The following RAB20 variants were observed in gnomAD, a reference collection of about 807,000 sequenced individuals.
The protein encoded by RAB20 is ras-related protein Rab-20.
In RAB20, 2 loss-of-function variants were observed where a neutral mutation model predicts 3.7. That is an observed-to-expected ratio of 0.54 (90% confidence interval 0.22 to 1.69). RAB20 has a LOEUF of 1.69. RAB20 is among the 40% of genes most tolerant of loss of function. The pLI is 0.19. For missense variants in RAB20, 276 were observed against 311.9 expected (o/e 0.88, Z 0.87); for synonymous variants, 126 against 130.8 (o/e 0.96, Z 0.25).
intron 1 of RAB20, among the ~76,000 whole-genome samples, chr13:110,525,757 C>T (rs1479064217): frequency 6.6e-6 from 1 of 152,212 alleles, no homozygotes; most frequent in Non-Finnish European, 1.5e-5. Flanking sequence ...TGCTTTTCAT[C>T]GTTGGACACA....
At position 110,561,231 on chromosome 13, in the gene RAB20, G is replaced by A. The variant is rs948114326; in HGVS notation, c.172+117C>T. ...ACGAGTGGGAAACCCCGAGAAGGAG[G>A]CATTTGCTGTCCGAGGCCGGGACCC... is the stretch of plus-strand genomic sequence containing the variant. On this transcript the variant is annotated intron_variant, in intron 1 of 1. Transcript: ENST00000267328. 36 of 1,275,402 alleles carry A rather than the reference G, an allele frequency of 2.8e-5. No individual in the cohort carries two copies. The African/African-American group carries it at 5.2e-4, about 19-fold the overall frequency. 79.0% of individuals were successfully genotyped at this position (1,275,402 alleles called of 1,614,324 possible). A position where few individuals can be genotyped will look rare whatever the true frequency, so the allele number is the denominator to read the frequency against.
chr13:110,546,987 G>A (rs961874103), intron 1 of RAB20, among the ~76,000 whole-genome samples: 3 of 152,178 alleles, frequency 2.0e-5, no homozygotes, highest in Non-Finnish European at 2.9e-5. Flanking sequence ...GGATCCTCCC[G>A]TCTGAGTCTC....
intron 1 of RAB20, among the ~76,000 whole-genome samples, chr13:110,531,059 T>C (rs1003666703): frequency 1.1e-4 from 17 of 152,228 alleles, no homozygotes; most frequent in African/African-American, 3.9e-4. Flanking sequence ...GGAAGAAGCA[T>C]GGCCAGCACA....
rs147208996 is a variant in RAB20 at position 110,550,092 on chromosome 13, G to A, written c.172+11256C>T. On this transcript the variant is annotated intron_variant, in intron 1 of 1. Transcript: ENST00000267328. The stretch of plus-strand genomic sequence containing the variant: ...ACAACCAATGAAGTCTCCATAAGAA[G>A]CCCAGAAAACAGGGTTCAGGGAGCT... 1.8e-4 allele frequency among the ~76,000 whole-genome samples: 27 copies of A among 152,152 alleles called. No homozygotes were observed. The East Asian group carries it at 5.2e-3, about 29-fold the overall frequency.
At position 110,561,610 on chromosome 13, in the gene RAB20, G is replaced by C. The variant is rs547404418; in HGVS notation, c.-91C>G. The C allele has an allele frequency of 4.7e-6, 7 of 1,482,754 alleles. No homozygotes were observed. The highest frequency in any genetic ancestry group is 2.9e-5 in the African/African-American group (2 of 68,000). 91.8% of individuals were successfully genotyped at this position (1,482,754 alleles called of 1,614,324 possible). Reference sequence around the variant, plus strand: ...GGCGCAGCTGGAGGAGCGGACCCCGGACTCGCCGGGACCCGGATTCTCGTG... The same window carrying C: ...GGCGCAGCTGGAGGAGCGGACCCCGCACTCGCCGGGACCCGGATTCTCGTG... On this transcript the variant is annotated 5_prime_UTR_variant, in exon 1 of 2. Coordinates refer to ENST00000267328, the MANE Select transcript of RAB20 (RefSeq NM_017817.3).
intron 1 of RAB20, among the ~76,000 whole-genome samples, chr13:110,525,159 G>A (rs1018469317): frequency 6.6e-5 from 10 of 152,186 alleles, no homozygotes; most frequent in African/African-American, 1.9e-4. Context: ...TCACGAGGTC[G>A]ATGTGGGCAC....
At chr13:110,525,714 C>T (rs1277555734) in intron 1 of RAB20, among the ~76,000 whole-genome samples, 2 of 152,250 alleles carry the variant, frequency 1.3e-5, no homozygotes, top group Non-Finnish European at 2.9e-5. Flanking sequence ...CCGAGCCGAG[C>T]ACGCCTGCTG....
At chr13:110,524,849 G>T (rs552059740) in intron 1 of RAB20, among the ~76,000 whole-genome samples, 1 of 152,166 alleles carries the variant, frequency 6.6e-6, no homozygotes, top group Non-Finnish European at 1.5e-5. Context: ...CGCTGGAATC[G>T]GAATCCCTGA....
chr13:110,538,285 G>GA lies in RAB20; in HGVS notation c.173-14089dup, dbSNP rs1335587001. ...AGAAAGAAAGAAAAGAAAAGAAAAA[G>GA]AAAAAAGACTATTGGTATTTCCTAA... is the stretch of plus-strand genomic sequence containing the variant. On this transcript the variant is annotated intron_variant, in intron 1 of 1. Transcript: ENST00000267328. 3.5e-5 allele frequency among the ~76,000 whole-genome samples: 5 copies of GA among 143,918 alleles called. No individual in the cohort carries two copies. In the East Asian group the frequency reaches 1.0e-3, roughly 29 times the overall value. 94.4% of individuals were successfully genotyped at this position (143,918 alleles called of 152,430 possible).
intron 1 of RAB20, among the ~76,000 whole-genome samples, chr13:110,531,199 A>G (rs965777047): frequency 1.2e-4 from 19 of 152,152 alleles, no homozygotes; most frequent in African/African-American, 4.6e-4. Context: ...CCTGAGAAGC[A>G]CGCTGGCAAC....
intron 1 of RAB20, among the ~76,000 whole-genome samples, chr13:110,533,349 GGTTT>G (rs1002779176): frequency 4.6e-5 from 7 of 152,188 alleles, no homozygotes; most frequent in African/African-American, 1.4e-4. Flanking sequence ...ATTCCCTCTA[GGTTT>G]GTTTTTTTAA....
At position 110,523,098 on chromosome 13, in the gene RAB20, A is replaced by C; in HGVS notation, c.*567T>G. On this transcript the variant is annotated 3_prime_UTR_variant, in exon 2 of 2. Transcript: ENST00000267328. The stretch of plus-strand genomic sequence containing the variant: ...TTCCAAAAATCCTCTTTAATAATAC[A>C]TGTAGCCAACATTGCTGCAATCAGT... 1 of 390,942 alleles carries C rather than the reference A, an allele frequency of 2.6e-6. No individual in the cohort carries two copies. The highest frequency in any genetic ancestry group is 4.5e-6 in the Non-Finnish European group (1 of 221,902). 24.2% of individuals were successfully genotyped at this position (390,942 alleles called of 1,614,324 possible). A position where few individuals can be genotyped will look rare whatever the true frequency, so the allele number is the denominator to read the frequency against.
intron 1 of RAB20, among the ~76,000 whole-genome samples, chr13:110,526,941 G>C (rs1341929331): frequency 1.3e-5 from 2 of 152,186 alleles, no homozygotes; most frequent in Non-Finnish European, 2.9e-5. Context: ...ATAGTGTTCT[G>C]AGAAGGGGTC....
Position 110,524,812 on chromosome 13 carries a change from AGGACACAGT to A in RAB20, c.173-624_173-616del, listed in dbSNP as rs143286604. Among the ~76,000 whole-genome samples the A allele has an allele frequency of 1.2e-3, 177 of 152,296 alleles. 3 individuals are homozygous for A. The East Asian group carries it at 0.027, about 23-fold the overall frequency. On this transcript the variant is annotated intron_variant, in intron 1 of 1. Transcript: ENST00000267328. ...ACCCTGCGGTGCTCACGATATTTTT[AGGACACAGT>A]GGACATCTCCCCTCCCACGCTGGAA...
At chr13:110,547,015 C>T (rs556562086) in intron 1 of RAB20, among the ~76,000 whole-genome samples, 1 of 152,322 alleles carries the variant, frequency 6.6e-6, no homozygotes, top group South Asian at 2.1e-4. Flanking sequence ...GCTGGGATTA[C>T]AGGCGTGAGT....
chr13:110,536,781 G>C (rs1346106902), intron 1 of RAB20, among the ~76,000 whole-genome samples: 1 of 83,880 alleles, frequency 1.2e-5, no homozygotes, highest in Non-Finnish European at 2.7e-5. Context: ...TTTTTAATGG[G>C]AATTTTTTTT....
chr13:110,541,033 TCTG>T (rs925261346), intron 1 of RAB20, among the ~76,000 whole-genome samples: 100 of 152,296 alleles, frequency 6.6e-4, no homozygotes, highest in African/African-American at 2.4e-3. Context: ...GGTCCTGGGT[TCTG>T]CTGCTGCCAG....
chr13:110,554,101 C>T (rs1885000469), intron 1 of RAB20, among the ~76,000 whole-genome samples: 1 of 152,072 alleles, frequency 6.6e-6, no homozygotes, highest in South Asian at 2.1e-4. Flanking sequence ...GACAACAGAC[C>T]AAGACCTTGT....
intron 1 of RAB20, among the ~76,000 whole-genome samples, chr13:110,551,324 T>C (rs753466431): frequency 2.0e-5 from 3 of 152,174 alleles, no homozygotes; most frequent in African/African-American, 4.8e-5. Context: ...CACTGAAAGA[T>C]GGGATAAAAT....
Sources: gnomAD v4.1 joint callset for allele counts (sites outside exome capture counted in the v4.1 genomes callset) on GRCh38, gnomAD v4.1.1 for gene constraint, MANE v1.5 for transcripts, NCBI Gene and HGNC (gene_info 2026-07-23, HGNC 2026-07-21) for gene names.